SLC1A1: variants seen among roughly 807,000 people sequenced by gnomAD.
SLC1A1 encodes solute carrier family 1 member 1, also known as excitatory amino acid transporter 3.
Under a neutral mutation model 53.3 loss-of-function variants are expected in SLC1A1, and 43 were observed. The ratio of observed to expected loss-of-function variants is 0.81; its 90% CI spans 0.63 to 1.04. The LOEUF (loss-of-function observed/expected upper bound fraction) is 1.04. Among genes scored for constraint, SLC1A1 ranks in the 50% least tolerant of loss-of-function variants. The pLI is 0.00. For missense variants in SLC1A1, 748 were observed against 664.9 expected (o/e 1.12, Z -1.37); for synonymous variants, 307 against 243.2 (o/e 1.26, Z -2.44).
chr9:4,567,870 C>A lies in SLC1A1; in HGVS notation c.582+103C>A. 3 of 801,314 alleles carry A rather than the reference C, an allele frequency of 3.7e-6. No homozygotes were observed. The South Asian group carries it at 4.4e-5, about 12-fold the overall frequency. 49.6% of individuals were successfully genotyped at this position (801,314 alleles called of 1,614,324 possible). A position where few individuals can be genotyped will look rare whatever the true frequency, so the allele number is the denominator to read the frequency against. The stretch of plus-strand genomic sequence containing the variant: ...CTCGTCATTCACAGAATCGCATTTG[C>A]AAATTCACCTACTTGCTAAAATTTA... On this transcript the variant is annotated intron_variant, in intron 6 of 11. Coordinates refer to ENST00000262352, the MANE Select transcript of SLC1A1 (RefSeq NM_004170.6).
At chr9:4,538,381 G>T (rs1405217658) in intron 1 of SLC1A1, among the ~76,000 whole-genome samples, 2 of 152,224 alleles carry the variant, frequency 1.3e-5, no homozygotes, top group African/African-American at 4.8e-5. Flanking sequence ...CCTTTCCAAA[G>T]GAGGCAATGA....
intron 1 of SLC1A1, among the ~76,000 whole-genome samples, chr9:4,496,777 G>GC (rs963835878): frequency 6.6e-6 from 1 of 152,080 alleles, no homozygotes; most frequent in Non-Finnish European, 1.5e-5. Flanking sequence ...CGTGCCTGTG[G>GC]CCCCAACTAC....
intron 1 of SLC1A1, among the ~76,000 whole-genome samples, chr9:4,540,921 G>A (rs144455461): frequency 6.6e-6 from 1 of 152,240 alleles, no homozygotes; most frequent in East Asian, 1.9e-4. Context: ...AATAGGAGAA[G>A]TTAAAGTTAT....
chr9:4,529,424 C>T (rs114603749), intron 1 of SLC1A1, among the ~76,000 whole-genome samples: 3 of 152,282 alleles, frequency 2.0e-5, no homozygotes, highest in Admixed American at 1.3e-4. Flanking sequence ...CTTTCCCAGA[C>T]AAATGTCTCT....
chr9:4,506,886 C>T (rs1820826763), intron 1 of SLC1A1, among the ~76,000 whole-genome samples: 1 of 152,148 alleles, frequency 6.6e-6, no homozygotes, highest in Non-Finnish European at 1.5e-5. Context: ...ATCTGTTTTC[C>T]ATGAGGGCAG....
rs115514545 is a variant in SLC1A1 at position 4,587,193 on chromosome 9, T to C, written c.*1635T>C. 412 of 152,684 alleles carry C rather than the reference T, an allele frequency of 2.7e-3. 1 individual carries two copies. The highest frequency in any genetic ancestry group is 9.7e-3 in the African/African-American group (402 of 41,576). The allele number at this position is 152,684 out of a possible 1,614,324, so 9.5% of individuals were successfully genotyped here. A position where few individuals can be genotyped will look rare whatever the true frequency, so the allele number is the denominator to read the frequency against. On this transcript the variant is annotated 3_prime_UTR_variant, in exon 12 of 12. Transcript: ENST00000262352. ...TGTAAACATCATAAATAGTAAATAA[T>C]GATTCAATGTGAATTTTAAAATGCA...
In SLC1A1 at chr9:4,573,982, G is replaced by C. The variant is rs767786270; in HGVS notation, c.843G>C (p.Lys281Asn). 1 of 1,613,856 alleles carries C rather than the reference G, an allele frequency of 6.2e-7. No homozygotes were observed. The highest frequency in any genetic ancestry group is 1.3e-5 in the African/African-American group (1 of 75,054). The change falls in exon 8 of 12, where the codon AAG becomes AAC. Residue 281 changes from lysine (K) to asparagine (N), a missense_variant. By Grantham distance (94) the Lys-to-Asn change is moderately conservative. Coordinates refer to ENST00000262352, the MANE Select transcript of SLC1A1 (RefSeq NM_004170.6). ...IEVEDWEIFR[K>N]LGLYMATVLT... ...TTGAAGACTGGGAAATATTCCGCAA[G>C]CTGGGCCTTTACATGGCCACAGTCC...
intron 1 of SLC1A1, among the ~76,000 whole-genome samples, chr9:4,492,958 T>G (rs1374256732): frequency 6.6e-6 from 1 of 152,184 alleles, no homozygotes; most frequent in Non-Finnish European, 1.5e-5. Context: ...TGCGATTCAC[T>G]GGAGACTGGT....
At chr9:4,521,752 C>T (rs1403383067) in intron 1 of SLC1A1, among the ~76,000 whole-genome samples, 1 of 152,168 alleles carries the variant, frequency 6.6e-6, no homozygotes, top group African/African-American at 2.4e-5. Flanking sequence ...GAGCCTCACA[C>T]TGAGGCAGAA....
chr9:4,564,225 A>G, intron 3 of SLC1A1, 119 bp from the exon 4 acceptor site: 1 of 743,210 alleles, frequency 1.3e-6, no homozygotes, highest in Non-Finnish European at 2.4e-6. Flanking sequence ...GCTGGACCTC[A>G]GGGTCCTCCC....
At chr9:4,515,190 G>C (rs1821123515) in intron 1 of SLC1A1, among the ~76,000 whole-genome samples, 1 of 152,054 alleles carries the variant, frequency 6.6e-6, no homozygotes. Context: ...AAACTAATCA[G>C]ATGCTGGCCT....
chr9:4,500,499 C>T (rs886330161), intron 1 of SLC1A1, among the ~76,000 whole-genome samples: 62 of 152,234 alleles, frequency 4.1e-4, no homozygotes, highest in African/African-American at 1.3e-3. Flanking sequence ...TTAGTAGAGA[C>T]GGGGTTTCAC....
rs1227319254 is a variant in SLC1A1, at chr9:4,583,232, A to G, written c.1328+60A>G. On this transcript the variant is annotated intron_variant, in intron 11 of 11. Coordinates refer to ENST00000262352, the MANE Select transcript of SLC1A1 (RefSeq NM_004170.6). This position sits in a 1 kb window ranked among gnomAD's most constrained non-coding sequence, Gnocchi z 4.6. ...GTGCAGGCGGGCTTCCCAGCCTCGC[A>G]GGCGCTGCAGTCTGTCATCATTCTC... is the stretch of plus-strand genomic sequence containing the variant. 10 of 1,602,970 alleles carry G rather than the reference A, an allele frequency of 6.2e-6. 1 individual carries two copies. The African/African-American group carries it at 1.2e-4, about 19-fold the overall frequency.
chr9:4,526,346 T>C (rs7864081), intron 1 of SLC1A1, among the ~76,000 whole-genome samples: 45,528 of 152,098 alleles, frequency 0.3, 8,254 homozygotes, highest in Admixed American at 0.41. Context: ...TTAATATTAA[T>C]AAATCTCAAA....
chr9:4,494,427 T>C (rs1216826752), intron 1 of SLC1A1, among the ~76,000 whole-genome samples: 2 of 152,164 alleles, frequency 1.3e-5, no homozygotes, highest in African/African-American at 4.8e-5. Flanking sequence ...ATTAATATTT[T>C]CTTATGAAAT....
chr9:4,497,167 T>C (rs1463463623), intron 1 of SLC1A1, among the ~76,000 whole-genome samples: 1 of 152,190 alleles, frequency 6.6e-6, no homozygotes, highest in East Asian at 1.9e-4. Flanking sequence ...TATCCATTAC[T>C]CTGTGCCAAG....
chr9:4,585,292 C>T lies in SLC1A1; in HGVS notation c.1329-20C>T, dbSNP rs1359302715. 1 of 1,612,686 alleles carries T rather than the reference C, an allele frequency of 6.2e-7. No individual in the cohort carries two copies. The stretch of plus-strand genomic sequence containing the variant: ...AATGAAATCTGGGCCTCCTGTCTGA[C>T]TCCTCCCGTCTCTCCCCAGGGACCG... On this transcript the variant is annotated intron_variant, in intron 11 of 11. Transcript: ENST00000262352.
intron 7 of SLC1A1, among the ~76,000 whole-genome samples, chr9:4,573,275 G>T (rs753895686): frequency 6.6e-6 from 1 of 152,160 alleles, no homozygotes; most frequent in Admixed American, 6.5e-5. Context: ...GATACTGACA[G>T]TGATGTAAAG....
In SLC1A1 at chr9:4,531,498, G is replaced by A. The variant is rs534508579; in HGVS notation, c.92-13069G>A. On this transcript the variant is annotated intron_variant, in intron 1 of 11. Transcript: ENST00000262352. ...TGAGATCAAACTGCAAGGCAGCAGC[G>A]AGACTGGGGGAGGGGCGCCCATCAC... 1.7e-4 allele frequency among the ~76,000 whole-genome samples: 26 copies of A among 152,278 alleles called. No individual in the cohort carries two copies. In the South Asian group the frequency reaches 4.4e-3, roughly 26 times the overall value.
Sources: gnomAD v4.1 joint callset for allele counts (sites outside exome capture counted in the v4.1 genomes callset) on GRCh38, gnomAD v4.1.1 for gene constraint, Gnocchi (gnomAD v3.1) non-coding constraint, MANE v1.5 for transcripts, NCBI Gene and HGNC (gene_info 2026-07-23, HGNC 2026-07-21) for gene names.